Variants in NEDD9 observed in about 807,000 individuals in gnomAD.
NEDD9 encodes the protein neural precursor cell expressed, developmentally down-regulated 9.
A neutral mutation model predicts 76.6 loss-of-function variants in NEDD9; 26 were observed. That is an observed-to-expected ratio of 0.34 (90% CI 0.25 to 0.47). NEDD9 has a LOEUF of 0.47. NEDD9 is among the 20% of genes least tolerant of loss of function. NEDD9 has a pLI of 1.00. For synonymous variants in NEDD9, 392 were observed against 414.2 expected (o/e 0.95, Z 0.65); for missense variants, 937 against 1,058.5 (o/e 0.89, Z 1.59).
intron 2 of NEDD9, among the ~76,000 whole-genome samples, chr6:11,320,887 A>G (rs1402450565): frequency 6.6e-6 from 1 of 152,022 alleles, no homozygotes; most frequent in Non-Finnish European, 1.5e-5. Context: ...ACATCAAATC[A>G]GTACCAATGG....
At chr6:11,336,714 C>A (rs573895090) in intron 1 of NEDD9, among the ~76,000 whole-genome samples, 1 of 152,316 alleles carries the variant, frequency 6.6e-6, no homozygotes, top group Admixed American at 6.5e-5. Context: ...TAATAAATTA[C>A]CCTTAGCTTA....
At chr6:11,250,508 C>G (rs541513661) in intron 3 of NEDD9, among the ~76,000 whole-genome samples, 10 of 152,270 alleles carry the variant, frequency 6.6e-5, no homozygotes, top group African/African-American at 2.4e-4. Flanking sequence ...AGAATCATGT[C>G]CTGAATCTAC....
chr6:11,375,361 CCTATGCATATATGT>C (rs1762954275), intron 1 of NEDD9, among the ~76,000 whole-genome samples: 1 of 152,116 alleles, frequency 6.6e-6, no homozygotes, highest in African/African-American at 2.4e-5. Flanking sequence ...TGTATATATA[CCTATGCATATATGT>C]CTATGCATAC....
intron 1 of NEDD9, among the ~76,000 whole-genome samples, chr6:11,380,233 C>T (rs1328346638): frequency 6.6e-6 from 1 of 152,184 alleles, no homozygotes; most frequent in Non-Finnish European, 1.5e-5. Context: ...TAGTAGGTGG[C>T]CGGTGGTCTT....
chr6:11,337,881 T>C (rs1762195645), intron 1 of NEDD9, among the ~76,000 whole-genome samples: 1 of 152,154 alleles, frequency 6.6e-6, no homozygotes, highest in African/African-American at 2.4e-5. Flanking sequence ...CGTTAAAAAA[T>C]ATTAAGGTTT....
intron 1 of NEDD9, among the ~76,000 whole-genome samples, chr6:11,214,472 G>A (rs1009667): frequency 0.63 from 96,530 of 152,116 alleles, 30,723 homozygotes; most frequent in Middle Eastern, 0.72. Flanking sequence ...CTCCCCTTTC[G>A]TCACCTACTT....
At chr6:11,218,207 T>C (rs1759011618) in intron 1 of NEDD9, among the ~76,000 whole-genome samples, 1 of 152,172 alleles carries the variant, frequency 6.6e-6, no homozygotes, top group Non-Finnish European at 1.5e-5. Context: ...TTCTCCTGCT[T>C]TGCTTTGCTT....
chr6:11,244,277 G>A (rs904228569), intron 3 of NEDD9, among the ~76,000 whole-genome samples: 1 of 150,690 alleles, frequency 6.6e-6, no homozygotes, highest in African/African-American at 2.5e-5. Flanking sequence ...ACACACACAC[G>A]TGTGTGCACG....
chr6:11,260,053 A>G (rs898645810), intron 3 of NEDD9, among the ~76,000 whole-genome samples: 1 of 152,190 alleles, frequency 6.6e-6, no homozygotes, highest in Non-Finnish European at 1.5e-5. Flanking sequence ...CACTTGGCTT[A>G]TAGCATATAG....
intron 1 of NEDD9, among the ~76,000 whole-genome samples, chr6:11,375,956 C>G (rs913038449): frequency 3.9e-5 from 6 of 152,178 alleles, no homozygotes; most frequent in South Asian, 2.1e-4. Context: ...TCCTGAGTAG[C>G]TGGGACTACA....
intron 2 of NEDD9, among the ~76,000 whole-genome samples, chr6:11,197,575 G>A (rs1561783534): frequency 1.3e-5 from 2 of 152,154 alleles, no homozygotes; most frequent in Non-Finnish European, 2.9e-5. Context: ...GCCGAGAAGG[G>A]CAGATTCTTC....
rs1321248287 is a variant in NEDD9, at chr6:11,185,624, C to T, written c.2043G>A (p.Glu681=). 1.2e-6 allele frequency: 2 copies of T among 1,614,126 alleles called. No individual in the cohort carries two copies. The highest frequency in any genetic ancestry group is 1.7e-6 in the Non-Finnish European group (2 of 1,180,052). ...LLEQEITKPV[E]NDISKWKPSQ... is the part of the protein sequence containing the mutation. ...AGGGCTTCCACTTCGAGATGTCATT[C>T]TCCACGGGCTTTGTAATCTCTTGTT... Residue 681 remains glutamate (E), a synonymous_variant, in exon 7 of 7, where the codon GAG becomes GAA. Coordinates refer to ENST00000379446, the MANE Select transcript of NEDD9 (RefSeq NM_006403.4).
chr6:11,286,789 C>A (rs1169212391), intron 3 of NEDD9, among the ~76,000 whole-genome samples: 2 of 152,080 alleles, frequency 1.3e-5, no homozygotes, highest in Non-Finnish European at 2.9e-5. Flanking sequence ...TGACAGAAAG[C>A]AGATTAACGG....
Position 11,185,354 on chromosome 6 carries a change from G to A in NEDD9, c.2313C>T (p.Asp771=), listed in dbSNP as rs761899954. The A allele has an allele frequency of 3.1e-6, 5 of 1,614,088 alleles. No individual in the cohort carries two copies. Among genetic ancestry groups the A allele is most frequent in the Non-Finnish European group, 8.5e-7 (1 of 1,180,042 alleles). ...TGGAGTTCATGACTTTGTTGCGAAT[G>A]TCCTGGGCAGTCACCTGCCGTGTCA... ...DTLTRQVTAQ[D]IRNKVMNSSN... Residue 771 remains aspartate (D), a synonymous_variant, in exon 7 of 7, where the codon GAC becomes GAT. Coordinates refer to ENST00000379446, the MANE Select transcript of NEDD9 (RefSeq NM_006403.4).
At position 11,214,080 on chromosome 6, in the gene NEDD9, GA is replaced by G. The variant is rs540284047; in HGVS notation, c.13-354del. 212 of 418,700 alleles carry G rather than the reference GA, an allele frequency of 5.1e-4. 4 individuals are homozygous for G. The highest frequency in any genetic ancestry group is 2.8e-3 in the South Asian group (152 of 53,362). 25.9% of individuals were successfully genotyped at this position (418,700 alleles called of 1,614,324 possible). A position where few individuals can be genotyped will look rare whatever the true frequency, so the allele number is the denominator to read the frequency against. The stretch of plus-strand genomic sequence containing the variant: ...CTTCCTTTTTCAAAGTGAGCTTAAG[GA>G]AAAAAAAATCCCGAGATATTCAGAT... On this transcript the variant is annotated intron_variant, in intron 1 of 6. Coordinates refer to ENST00000379446, the MANE Select transcript of NEDD9 (RefSeq NM_006403.4).
intron 2 of NEDD9, among the ~76,000 whole-genome samples, chr6:11,210,707 C>T (rs1758759613): frequency 7.5e-6 from 1 of 133,716 alleles, no homozygotes; most frequent in Non-Finnish European, 1.5e-5. Context: ...GCCATCTCCA[C>T]TATGAAAGAA....
At position 11,183,728 on chromosome 6, in the gene NEDD9, A is replaced by C. The variant is rs1218176202; in HGVS notation, c.*1434T>G. On this transcript the variant is annotated 3_prime_UTR_variant, in exon 7 of 7. Coordinates refer to ENST00000379446, the MANE Select transcript of NEDD9 (RefSeq NM_006403.4). ...TCCAATGATTTGGTTGTTTAAAACA[A>C]GCAAGCTTAATTCAGTCAGGCATAT... is the stretch of plus-strand genomic sequence containing the variant. 1 of 152,254 alleles carries C rather than the reference A, an allele frequency of 6.6e-6. No homozygotes were observed. Among genetic ancestry groups the C allele is most frequent in the Non-Finnish European group, 1.5e-5 (1 of 68,050 alleles). 9.4% of individuals were successfully genotyped at this position (152,254 alleles called of 1,614,324 possible).
rs147032020 is a variant in NEDD9, at chr6:11,262,640, G to A, written c.12+43352C>T. 2.0e-4 allele frequency among the ~76,000 whole-genome samples: 30 copies of A among 152,328 alleles called. 1 individual carries two copies. The East Asian group carries it at 5.4e-3, about 27-fold the overall frequency. On this transcript the variant is annotated intron_variant, in intron 3 of 3. Coordinates refer to the NEDD9 transcript ENST00000397378. ...AATTTGGCTTCCCTATCCCAGAATA[G>A]GGTTCTTAGAGAAAAGCATTTCCAT... is the stretch of plus-strand genomic sequence containing the variant.
intron 3 of NEDD9, among the ~76,000 whole-genome samples, chr6:11,263,370 A>T (rs573048797): frequency 6.6e-6 from 1 of 152,348 alleles, no homozygotes; most frequent in African/African-American, 2.4e-5. Flanking sequence ...GACAGACTGT[A>T]TTCTAACCTC....
Sources: allele counts gnomAD v4.1 joint callset (sites outside exome capture counted in the v4.1 genomes callset), GRCh38; gene constraint gnomAD v4.1.1; transcripts MANE v1.5; gene names NCBI Gene and HGNC (gene_info 2026-07-23, HGNC 2026-07-21).